The following EIF2D variants were observed in gnomAD, a reference collection of about 807,000 sequenced individuals.
The protein encoded by EIF2D is eukaryotic translation initiation factor 2D.
A neutral mutation model predicts 77.4 loss-of-function variants in EIF2D; 56 were observed. The ratio of observed to expected loss-of-function variants is 0.72; its 90% CI spans 0.58 to 0.90. The LOEUF (loss-of-function observed/expected upper bound fraction) is 0.90. EIF2D is among the 40% of genes least tolerant of loss of function. The pLI, the probability that EIF2D is intolerant of heterozygous loss-of-function variation, is 0.00. For missense variants in EIF2D, 574 were observed against 706.5 expected (o/e 0.81, Z 2.13); for synonymous variants, 230 against 271.0 (o/e 0.85, Z 1.49).
chr1:206,599,507 A>C lies in EIF2D; in HGVS notation c.1158T>G (p.Cys386Trp), dbSNP rs782788097. The change falls in exon 10 of 15, where the codon TGT becomes TGG. Residue 386 changes from cysteine (C) to tryptophan (W), a missense_variant. Transcript: ENST00000271764. This position sits in a 1 kb window ranked among gnomAD's most constrained non-coding sequence, Gnocchi z 4.1. ...AGAGCAGGGTCATGCTGGCTGGGAC[A>C]CAGTAGAGGGGTTTTATATCTGGAG... The part of the protein sequence containing the change: ...YHPPDIKPLY[C>W]VPASMTLLFQ... The C allele has an allele frequency of 1.9e-6, 3 of 1,613,750 alleles. No individual in the cohort carries two copies. Among genetic ancestry groups the C allele is most frequent in the Non-Finnish European group, 2.5e-6 (3 of 1,179,840 alleles).
At chr1:206,587,148 T>G, downstream of EIF2D, 1 of 755,206 alleles carries the variant, frequency 1.3e-6, no homozygotes, top group Non-Finnish European at 2.2e-6. Context: ...TGCACGAGGG[T>G]TCAGCTGTGC....
intron 14 of EIF2D, 78 bp downstream of exon 14, chr1:206,593,541 G>GTGTGTGTGTGTGTGTGTGTGTGTTT: frequency 9.1e-7 from 1 of 1,098,828 alleles, no homozygotes; most frequent in Non-Finnish European, 1.3e-6. Flanking sequence ...GTGTGTGTGT[G>GTGTGTGTGTGTGTGTGTGTGTGTTT]TATTATGCAA....
rs782691824 is a variant in EIF2D at position 206,608,220 on chromosome 1, T to C, written c.422+16A>G. ...ACAAGTTTTTCCCCCAAAGGCACAGTTGCCTGGCACAGTACCTGTTCCCCA... is the reference window on the plus strand; with the variant it reads ...ACAAGTTTTTCCCCCAAAGGCACAGCTGCCTGGCACAGTACCTGTTCCCCA... On this transcript the variant is annotated intron_variant, in intron 4 of 14. Coordinates refer to ENST00000271764, the MANE Select transcript of EIF2D (RefSeq NM_006893.3). 6.2e-7 allele frequency: 1 copy of C among 1,606,384 alleles called. No individual in the cohort carries two copies. Among genetic ancestry groups the C allele is most frequent in the Non-Finnish European group, 8.5e-7 (1 of 1,176,000 alleles).
At chr1:206,581,483 C>A (rs1553406320) in intron 2 of EIF2D, among the ~76,000 whole-genome samples, 1 of 152,100 alleles carries the variant, frequency 6.6e-6, no homozygotes, top group East Asian at 1.9e-4. Flanking sequence ...CCTGTAATCC[C>A]AGCTACTTGG....
intron 7 of EIF2D, 83 bp from the exon 8 acceptor site, chr1:206,600,391 C>A: frequency 7.9e-7 from 1 of 1,272,712 alleles, no homozygotes; most frequent in Non-Finnish European, 1.1e-6. Flanking sequence ...GGCCTTTTTC[C>A]TCAGCCTTCC....
chr1:206,600,549 G>C (rs1189548823), intron 7 of EIF2D: 1 of 449,584 alleles, frequency 2.2e-6, no homozygotes, highest in African/African-American at 2.0e-5. Context: ...TTGTCTAACA[G>C]GGCAGCCATT....
rs1553413374 is a variant in EIF2D at position 206,609,361 on chromosome 1, G to A, written c.331+15C>T. ...GGTTTCAGCCAATAGCCAGAATATA[G>A]GAGAATCCTCTTACCTGCTCCCCCT... On this transcript the variant is annotated intron_variant, in intron 3 of 14. Coordinates refer to ENST00000271764, the MANE Select transcript of EIF2D (RefSeq NM_006893.3). 1.9e-6 allele frequency: 3 copies of A among 1,612,270 alleles called. No individual in the cohort carries two copies. The highest frequency in any genetic ancestry group is 2.5e-6 in the Non-Finnish European group (3 of 1,178,508).
At chr1:206,611,117 CAG>C (rs1175581283) in intron 2 of EIF2D, 65 bp downstream of exon 2, 18 of 1,433,796 alleles carry the variant, frequency 1.3e-5, no homozygotes, top group East Asian at 7.0e-5. Flanking sequence ...ATGGAAGAAA[CAG>C]AGAGAAGCAG....
At chr1:206,586,960 C>T (rs1247757106), downstream of EIF2D, 3 of 1,614,036 alleles carry the variant, frequency 1.9e-6, no homozygotes, top group Non-Finnish European at 2.5e-6. Flanking sequence ...TAAGAGAATC[C>T]CAGGGCAAAC....
intron 2 of EIF2D, among the ~76,000 whole-genome samples, chr1:206,610,558 C>G (rs1553413687): frequency 6.6e-6 from 1 of 152,030 alleles, no homozygotes; most frequent in Non-Finnish European, 1.5e-5. Flanking sequence ...CGGTGGCTCA[C>G]GTCTGTAATT....
chr1:206,599,237 C>A lies in EIF2D; in HGVS notation c.1203-145G>T. 1.1e-6 allele frequency: 1 copy of A among 887,358 alleles called. No individual in the cohort carries two copies. Among genetic ancestry groups the A allele is most frequent in the Non-Finnish European group, 1.7e-6 (1 of 575,628 alleles). The allele number at this position is 887,358 out of a possible 1,614,324, so 55.0% of individuals were successfully genotyped here. On this transcript the variant is annotated intron_variant, in intron 10 of 14. Transcript: ENST00000271764. The surrounding 1 kb of genome is among the most constrained non-coding windows in gnomAD (Gnocchi z 4.1). ...CTTCCCTTTTCCTGACTGAAGTGAG[C>A]ATGACCATGTGAAGAATAATTACAC...
At chr1:206,583,230 A>G in intron 2 of EIF2D, 1 of 1,352,212 alleles carries the variant, frequency 7.4e-7, no homozygotes, top group Non-Finnish European at 1.1e-6. Context: ...CACCCTGAGA[A>G]CTACTACACA....
chr1:206,602,366 G>T lies in EIF2D; in HGVS notation c.872C>A (p.Thr291Asn). ...GGAGAACATGTGGCTGCCAAGGAAA[G>T]TGCTGGTGAGTAAAGGGAGGTCAGC... ...KKADLPLLTSTFLGSHMFSCC... is the reference protein window; with the variant it reads ...KKADLPLLTSNFLGSHMFSCC... Residue 291 changes from threonine to asparagine, a missense_variant, in exon 7 of 15, where the codon ACT (threonine) becomes AAT (asparagine). Coordinates refer to ENST00000271764, the MANE Select transcript of EIF2D (RefSeq NM_006893.3). The T allele has an allele frequency of 6.2e-7, 1 of 1,614,226 alleles. No homozygotes were observed.
rs1553413957 is a variant in EIF2D, at chr1:206,611,305, T to C, written c.126A>G (p.Val42=). 1 of 1,614,222 alleles carries C rather than the reference T, an allele frequency of 6.2e-7. No individual in the cohort carries two copies. Among genetic ancestry groups the C allele is most frequent in the East Asian group, 2.2e-5 (1 of 44,886 alleles). ...CAATGTTGAGCTCCTCCTTTCCAGGTACTAACTCAGAGACTTGATCAGTTC... is the reference window on the plus strand; with the variant it reads ...CAATGTTGAGCTCCTCCTTTCCAGGCACTAACTCAGAGACTTGATCAGTTC... ...TLGTDQVSEL[V]PGKEELNIVK... Residue 42 remains valine (V), a synonymous_variant, in exon 2 of 15, where the codon GTA becomes GTG. Coordinates refer to ENST00000271764, the MANE Select transcript of EIF2D (RefSeq NM_006893.3).
At position 206,600,043 on chromosome 1, in the gene EIF2D, T is replaced by G. The variant is rs151133684; in HGVS notation, c.949-207A>C. On this transcript the variant is annotated intron_variant, in intron 8 of 14. Coordinates refer to ENST00000271764, the MANE Select transcript of EIF2D (RefSeq NM_006893.3). The stretch of plus-strand genomic sequence containing the variant: ...ACTAACCAGTGAGGCCGTTCAGAAC[T>G]CTAATCAGATATAAAGGGGTCAAAG... Among the ~76,000 whole-genome samples the G allele has an allele frequency of 3.3e-3, 496 of 152,232 alleles. 1 individual carries two copies. Among genetic ancestry groups the G allele is most frequent in the African/African-American group, 0.011 (472 of 41,510 alleles).
chr1:206,587,876 TG>T (rs1669183588), downstream of EIF2D: 1 of 152,864 alleles, frequency 6.5e-6, no homozygotes, highest in Non-Finnish European at 1.5e-5. Flanking sequence ...GTGTCCAAGC[TG>T]TCTTCAGCCT....
rs782742515 is a variant in EIF2D, at chr1:206,602,428, T to C, written c.810A>G (p.Gln270=). The C allele has an allele frequency of 6.2e-7, 1 of 1,614,234 alleles. No individual in the cohort carries two copies. Among genetic ancestry groups the C allele is most frequent in the Middle Eastern group, 1.6e-4 (1 of 6,062 alleles). Residue 270 remains glutamine, a synonymous_variant, in exon 7 of 15, where the codon CAA becomes CAG. Transcript: ENST00000271764. ...LQEQMDELLQ[Q]CFLHALKCRV... is the part of the protein sequence containing the mutation. ...GGCACTTCAAGGCATGTAAGAAGCA[T>C]TGCTGTAACAGCTCATCCATTTGTT...
chr1:206,577,070 C>CA (rs1278595838), intron 4 of EIF2D, among the ~76,000 whole-genome samples: 1 of 151,786 alleles, frequency 6.6e-6, no homozygotes, highest in Non-Finnish European at 1.5e-5. Flanking sequence ...CTTGGCCTCT[C>CA]AAAGTGCTGG....
At chr1:206,573,024 C>CATG (rs1248881295) in intron 4 of EIF2D, among the ~76,000 whole-genome samples, 97 of 152,244 alleles carry the variant, frequency 6.4e-4, no homozygotes, top group Non-Finnish European at 1.0e-3. Context: ...TGATCATGAT[C>CATG]ATGATGATGA....
Sources: allele counts gnomAD v4.1 joint callset (sites outside exome capture counted in the v4.1 genomes callset), GRCh38; gene constraint gnomAD v4.1.1; non-coding constraint Gnocchi (gnomAD v3.1); transcripts MANE v1.5; gene names NCBI Gene and HGNC (gene_info 2026-07-23, HGNC 2026-07-21).